CSMD2: variants seen among roughly 807,000 people sequenced by gnomAD.
CSMD2 encodes CUB and sushi domain-containing protein 2.
A neutral mutation model predicts 398.5 loss-of-function variants in CSMD2; 130 were observed. The observed-to-expected ratio is 0.33, with a 90% CI of 0.28 to 0.38. CSMD2 has a LOEUF of 0.38. Among genes scored for constraint, CSMD2 ranks in the 10% least tolerant of loss-of-function variants. The probability of loss-of-function intolerance (pLI) is 1.00; values close to 1 mark genes in which losing one functional copy is unlikely to be tolerated. For missense variants in CSMD2, 3,829 were observed against 4,764.9 expected, an observed-to-expected ratio of 0.80 and a Z score of 5.78; for synonymous variants, 1,828 against 1,908.5, an observed-to-expected ratio of 0.96 and a Z score of 1.10.
chr1:33,980,397 G>T lies in CSMD2; in HGVS notation c.518-44443C>A, dbSNP rs114180505. Among the ~76,000 whole-genome samples the T allele has an allele frequency of 5.0e-3, 756 of 152,218 alleles. 7 individuals are homozygous for T. Among genetic ancestry groups the T allele is most frequent in the African/African-American group, 0.017 (715 of 41,538 alleles). On this transcript the variant is annotated intron_variant, in intron 3 of 70. Coordinates refer to ENST00000373381, the MANE Select transcript of CSMD2 (RefSeq NM_001281956.2). ...CCTAACAGGTTTCCTAGTAGGTCAG[G>T]TCTCACAGTGAAACACTGGCTGAAT... is the stretch of plus-strand genomic sequence containing the variant.
chr1:33,766,834 C>T (rs2149316004), intron 13 of CSMD2, among the ~76,000 whole-genome samples: 1 of 152,300 alleles, frequency 6.6e-6, no homozygotes, highest in South Asian at 2.1e-4. Flanking sequence ...GAAATAGAGG[C>T]ATGCCATGTT....
Position 33,602,446 on chromosome 1 carries a change from G to T in CSMD2, c.6633C>A (p.Thr2211=), listed in dbSNP as rs764029855. Residue 2211 remains threonine, a synonymous_variant, in exon 43 of 71, where the codon ACC becomes ACA. Coordinates refer to ENST00000373381, the MANE Select transcript of CSMD2 (RefSeq NM_001281956.2). ...SSSQDCVWLI[T]VPIGHGVRLN... ...GGCGGACGCCATGGCCAATGGGCAC[G>T]GTGATCAGCCAGACACAGTCCTGGG... 1 of 1,614,024 alleles carries T rather than the reference G, an allele frequency of 6.2e-7. No homozygotes were observed. The highest frequency in any genetic ancestry group is 1.7e-4 in the Middle Eastern group (1 of 6,060).
At chr1:33,916,709 G>A (rs185799717) in intron 5 of CSMD2, among the ~76,000 whole-genome samples, 1 of 152,256 alleles carries the variant, frequency 6.6e-6, no homozygotes, top group East Asian at 1.9e-4. Context: ...GCTTATGCTA[G>A]TTCCCAAATC....
intron 39 of CSMD2, 44 bp from the exon 40 acceptor site, chr1:33,614,664 G>C (rs768116863): frequency 1.8e-6 from 2 of 1,140,088 alleles, no homozygotes; most frequent in East Asian, 2.4e-5. Flanking sequence ...AACATCAAGG[G>C]GTGTACAGGG....
At chr1:33,776,226 G>A (rs564299668) in intron 12 of CSMD2, among the ~76,000 whole-genome samples, 1 of 152,300 alleles carries the variant, frequency 6.6e-6, no homozygotes. Flanking sequence ...ATGTGGAGGA[G>A]AAAGGGGCCC....
At chr1:34,113,783 T>C (rs1196872892) in intron 1 of CSMD2, among the ~76,000 whole-genome samples, 10 of 152,198 alleles carry the variant, frequency 6.6e-5, no homozygotes, top group East Asian at 1.9e-4. Context: ...AAGCTCAAAG[T>C]GAAAAGCCAC....
rs918703576 is a variant in CSMD2, at chr1:34,163,926, G to C, written c.187+985C>G. ...CGGCCAGTAGCCTCCACAGGGGACCGGGTTCCCTCGAAGGTTCGCGTACCT... is the reference window on the plus strand; with the variant it reads ...CGGCCAGTAGCCTCCACAGGGGACCCGGTTCCCTCGAAGGTTCGCGTACCT... On this transcript the variant is annotated intron_variant, in intron 1 of 70. Coordinates refer to ENST00000373381, the MANE Select transcript of CSMD2 (RefSeq NM_001281956.2). The surrounding 1 kb of genome is among the most constrained non-coding windows in gnomAD (Gnocchi z 5.4). 9.9e-5 allele frequency among the ~76,000 whole-genome samples: 15 copies of C among 152,242 alleles called. No individual in the cohort carries two copies. The South Asian group carries it at 1.9e-3, about 19-fold the overall frequency.
chr1:34,129,293 C>T (rs1289719899), intron 1 of CSMD2, among the ~76,000 whole-genome samples: 1 of 152,048 alleles, frequency 6.6e-6, no homozygotes, highest in Non-Finnish European at 1.5e-5. Context: ...TGTGTGTGCA[C>T]ATGTGCTTAC....
chr1:33,786,327 A>T (rs1256681853), intron 12 of CSMD2, among the ~76,000 whole-genome samples: 1 of 152,200 alleles, frequency 6.6e-6, no homozygotes, highest in Non-Finnish European at 1.5e-5. Context: ...TCACTGCTGA[A>T]CATCCATAGA....
rs1048788645 is a variant in CSMD2 at position 33,626,622 on chromosome 1, A to C, written c.5201-41T>G. On this transcript the variant is annotated intron_variant, in intron 32 of 70. Transcript: ENST00000373381. Reference sequence around the variant, plus strand: ...GCAAGGAGGAGAGAACAGTGAGTCCAGCAGGTGGGCCCAGAAGATAAAATC... The same window carrying C: ...GCAAGGAGGAGAGAACAGTGAGTCCCGCAGGTGGGCCCAGAAGATAAAATC... 2.0e-6 allele frequency: 3 copies of C among 1,463,672 alleles called. No homozygotes were observed. The African/African-American group carries it at 4.2e-5, about 20-fold the overall frequency. The allele number at this position is 1,463,672 out of a possible 1,614,324, so 90.7% of individuals were successfully genotyped here.
At chr1:33,997,407 G>T (rs1019924404) in intron 3 of CSMD2, among the ~76,000 whole-genome samples, 1 of 152,188 alleles carries the variant, frequency 6.6e-6, no homozygotes, top group Admixed American at 6.5e-5. Flanking sequence ...TCTGCATCTG[G>T]TCTGATTAAT....
chr1:33,674,634 C>G (rs1263130604), intron 25 of CSMD2, among the ~76,000 whole-genome samples: 1 of 152,184 alleles, frequency 6.6e-6, no homozygotes, highest in Non-Finnish European at 1.5e-5. Context: ...GAACTCTCCA[C>G]CCCAAATCAA....
At position 33,519,347 on chromosome 1, in the gene CSMD2, C is replaced by T. The variant is rs868588471; in HGVS notation, c.*53+118G>A. 2.5e-5 allele frequency: 16 copies of T among 631,228 alleles called. No homozygotes were observed. In the Middle Eastern group the frequency reaches 3.4e-3, roughly 136 times the overall value. 39.1% of individuals were successfully genotyped at this position (631,228 alleles called of 1,614,324 possible). A position where few individuals can be genotyped will look rare whatever the true frequency, so the allele number is the denominator to read the frequency against. ...ACACAATGATGCTCAATGCACAGCT[C>T]TCCTCTTACTGGGTGTGTCTATGTG... On this transcript the variant is annotated intron_variant, in intron 70 of 70. Coordinates refer to ENST00000373381, the MANE Select transcript of CSMD2 (RefSeq NM_001281956.2). The surrounding 1 kb of genome is among the most constrained non-coding windows in gnomAD (Gnocchi z 5.6).
rs555071365 is a variant in CSMD2 at position 33,677,299 on chromosome 1, C to T, written c.4053-14207G>A. 2.2e-4 allele frequency among the ~76,000 whole-genome samples: 34 copies of T among 152,158 alleles called. No individual in the cohort carries two copies. In the East Asian group the frequency reaches 3.9e-3, roughly 17 times the overall value. On this transcript the variant is annotated intron_variant, in intron 25 of 70. Transcript: ENST00000373381. ...AACAACCCCATCAAAAAGTGGGCAA[C>T]GGATATGAACAGATACTTCTCAAAA...
intron 5 of CSMD2, among the ~76,000 whole-genome samples, chr1:33,852,503 C>T (rs1638784796): frequency 6.6e-6 from 1 of 152,200 alleles, no homozygotes; most frequent in Non-Finnish European, 1.5e-5. Context: ...ACCTGTAATG[C>T]CCTTTTCCTG....
At position 33,836,557 on chromosome 1, in the gene CSMD2, C is replaced by T. The variant is rs187954151; in HGVS notation, c.1033+10327G>A. On this transcript the variant is annotated intron_variant, in intron 6 of 70. Transcript: ENST00000373381. ...CTTTGTTTACCTACTCAAGCCTCAG[C>T]AATGGTGGGCACCCCTCCCCTAGCC... Among the ~76,000 whole-genome samples, 522 of 152,324 alleles carry T rather than the reference C, an allele frequency of 3.4e-3. 2 individuals carry two copies. Among genetic ancestry groups the T allele is most frequent in the African/African-American group, 0.012 (503 of 41,570 alleles).
chr1:34,142,471 T>C (rs1639390494), intron 1 of CSMD2, among the ~76,000 whole-genome samples: 1 of 152,174 alleles, frequency 6.6e-6, no homozygotes, highest in Non-Finnish European at 1.5e-5. Context: ...TGCAAAACCC[T>C]GGTGATCCCG....
At chr1:34,140,740 A>G (rs954471711) in intron 1 of CSMD2, among the ~76,000 whole-genome samples, 2 of 152,166 alleles carry the variant, frequency 1.3e-5, no homozygotes, top group African/African-American at 4.8e-5. Context: ...TCTCCAATCT[A>G]TGCCTCTGAG....
At chr1:33,669,017 T>C (rs550522386) in intron 25 of CSMD2, among the ~76,000 whole-genome samples, 5 of 152,334 alleles carry the variant, frequency 3.3e-5, no homozygotes, top group Non-Finnish European at 1.5e-5. Flanking sequence ...AAATCTCCCA[T>C]GTGCCAACTG....
Sources: gnomAD v4.1 joint callset for allele counts (sites outside exome capture counted in the v4.1 genomes callset) on GRCh38, gnomAD v4.1.1 for gene constraint, Gnocchi (gnomAD v3.1) non-coding constraint, MANE v1.5 for transcripts, NCBI Gene and HGNC (gene_info 2026-07-23, HGNC 2026-07-21) for gene names.